The following CEACAM5 variants were observed in gnomAD, a reference collection of about 807,000 sequenced individuals.
CEACAM5 encodes CEA cell adhesion molecule 5, also known as cell adhesion molecule CEACAM5.
Under a neutral mutation model 63.0 loss-of-function variants are expected in CEACAM5, and 52 were observed. The observed-to-expected ratio is 0.83, with a 90% CI of 0.66 to 1.04. The LOEUF (loss-of-function observed/expected upper bound fraction) is 1.04, where lower values mean the gene tolerates loss of function less well. Among genes scored for constraint, CEACAM5 ranks in the 50% least tolerant of loss-of-function variants. CEACAM5 has a pLI of 0.00. For missense variants in CEACAM5, 790 were observed against 864.8 expected, an observed-to-expected ratio of 0.91 and a Z score of 1.08; for synonymous variants, 357 against 351.3, an observed-to-expected ratio of 1.02 and a Z score of -0.18.
chr19:41,728,786 CA>C lies in CEACAM5; in HGVS notation c.*37-379del, dbSNP rs55647539. Among the ~76,000 whole-genome samples the C allele has an allele frequency of 4.7e-3, 341 of 73,288 alleles. 5 individuals carry two copies. The highest frequency in any genetic ancestry group is 0.018 in the Middle Eastern group (2 of 110). 48.1% of individuals were successfully genotyped at this position (73,288 alleles called of 152,430 possible). A position where few individuals can be genotyped will look rare whatever the true frequency, so the allele number is the denominator to read the frequency against. On this transcript the variant is annotated intron_variant, in intron 9 of 9. Coordinates refer to ENST00000221992, the MANE Select transcript of CEACAM5 (RefSeq NM_004363.6). Reference sequence around the variant, plus strand: ...TGGGCGACAGAGCAAGACTCCGTCTCAAAAAAAAAAAAAAAAAAAGAATTGC... The same window carrying C: ...TGGGCGACAGAGCAAGACTCCGTCTCAAAAAAAAAAAAAAAAAAGAATTGC...
intron 2 of CEACAM5, among the ~76,000 whole-genome samples, chr19:41,714,139 C>T (rs371116936): frequency 6.6e-5 from 10 of 152,062 alleles, no homozygotes. Context: ...CGCTTGAACC[C>T]GGGAGGCAGA....
rs782270981 is a variant in CEACAM5, at chr19:41,717,583, C to T, written c.1087C>T (p.Leu363Phe). The T allele has an allele frequency of 3.1e-6, 5 of 1,614,116 alleles. No individual in the cohort carries two copies. In the Admixed American group the frequency reaches 8.3e-5, roughly 27 times the overall value. ...TYLWWVNNQS[L>F]PVSPRLQLSN... ...CCTGTGGTGGGTAAATAATCAGAGC[C>T]TCCCGGTCAGTCCCAGGCTGCAGCT... The change falls in exon 5 of 10, where the codon CTC becomes TTC. Residue 363 changes from leucine to phenylalanine, a missense_variant. Leu to Phe is a conservative substitution (Grantham distance 22). Coordinates refer to ENST00000221992, the MANE Select transcript of CEACAM5 (RefSeq NM_004363.6).
In CEACAM5 at chr19:41,721,312, C is replaced by G. The variant is rs572723484; in HGVS notation, c.2026+136C>G. 5 of 944,030 alleles carry G rather than the reference C, an allele frequency of 5.3e-6. 1 individual carries two copies. In the Admixed American group the frequency reaches 1.1e-4, roughly 22 times the overall value. The allele number at this position is 944,030 out of a possible 1,614,324, so 58.5% of individuals were successfully genotyped here. ...AGGAAATCCCAAATTCTATCCTGAGCCCCCTCACTCCATCTCGGCCAACTC... is the reference window on the plus strand; with the variant it reads ...AGGAAATCCCAAATTCTATCCTGAGGCCCCTCACTCCATCTCGGCCAACTC... On this transcript the variant is annotated intron_variant, in intron 8 of 9. Coordinates refer to ENST00000221992, the MANE Select transcript of CEACAM5 (RefSeq NM_004363.6).
intron 6 of CEACAM5, among the ~76,000 whole-genome samples, chr19:41,719,487 C>A (rs782179542): frequency 2.6e-5 from 4 of 152,176 alleles, no homozygotes; most frequent in Admixed American, 2.6e-4. Flanking sequence ...CTTAAACACC[C>A]ATCCCCGTCA....
At chr19:41,722,885 TC>T (rs1390337029) in intron 8 of CEACAM5, among the ~76,000 whole-genome samples, 2 of 151,482 alleles carry the variant, frequency 1.3e-5, no homozygotes, top group Non-Finnish European at 1.5e-5. Context: ...AAATGTTAAT[TC>T]TTTTTTTTGT....
chr19:41,715,109 G>T lies in CEACAM5; in HGVS notation c.563G>T (p.Ser188Ile). 6.2e-7 allele frequency: 1 copy of T among 1,614,224 alleles called. No homozygotes were observed. The highest frequency in any genetic ancestry group is 1.1e-5 in the South Asian group (1 of 91,088). ...WWVNNQSLPV[S>I]PRLQLSNGNR... ...GTAAACAATCAGAGCCTCCCGGTCAGTCCCAGGCTGCAGCTGTCCAATGGC... is the reference window on the plus strand; with the variant it reads ...GTAAACAATCAGAGCCTCCCGGTCATTCCCAGGCTGCAGCTGTCCAATGGC... Residue 188 changes from serine to isoleucine, a missense_variant, in exon 3 of 10, where the codon AGT becomes ATT. Ser to Ile is a moderately radical substitution (Grantham distance 142). Transcript: ENST00000221992.
In CEACAM5 at chr19:41,719,944, C is replaced by A; in HGVS notation, c.1507C>A (p.Pro503Thr). The change falls in exon 7 of 10, where the codon CCC becomes ACC. Residue 503 changes from proline (P) to threonine (T), a missense_variant. By Grantham distance (38) the Pro-to-Thr change is conservative (BLOSUM62 -1). Transcript: ENST00000221992. ...TATCTGCACAGCGGAGCTGCCCAAG[C>A]CCTCCATCTCCAGCAACAACTCCAA... ...TITVSAELPK[P>T]SISSNNSKPV... is the part of the protein sequence containing the mutation. 1 of 1,614,162 alleles carries A rather than the reference C, an allele frequency of 6.2e-7. No homozygotes were observed. Among genetic ancestry groups the A allele is most frequent in the Non-Finnish European group, 8.5e-7 (1 of 1,180,038 alleles).
At position 41,717,761 on chromosome 19, in the gene CEACAM5, C is replaced by T. The variant is rs781809700; in HGVS notation, c.1237+28C>T. ...GAGTATCTTCTGTTCCTCTGTGGCT[C>T]AGGCTGCCAGCCCAAATCCACATAG... On this transcript the variant is annotated intron_variant, in intron 5 of 9. Transcript: ENST00000221992. 5.6e-6 allele frequency: 9 copies of T among 1,607,820 alleles called. No individual in the cohort carries two copies. The South Asian group carries it at 6.6e-5, about 12-fold the overall frequency.
chr19:41,712,451 C>G (rs1237957365), intron 2 of CEACAM5, among the ~76,000 whole-genome samples: 1 of 152,208 alleles, frequency 6.6e-6, no homozygotes, highest in African/African-American at 2.4e-5. Context: ...CTTTCACATG[C>G]CTGTTTTGAG....
intron 1 of CEACAM5, 150 bp from the exon 2 acceptor site, chr19:41,709,530 C>G (rs2072397656): frequency 2.9e-6 from 3 of 1,018,152 alleles, no homozygotes; most frequent in Non-Finnish European, 4.0e-6. Flanking sequence ...TGACCTTGAC[C>G]TAGTAGGACA....
intron 8 of CEACAM5, among the ~76,000 whole-genome samples, chr19:41,724,222 G>T (rs927377477): frequency 3.3e-5 from 5 of 152,146 alleles, no homozygotes; most frequent in African/African-American, 1.2e-4. Flanking sequence ...TTGTTGAAAA[G>T]ACTGTCCTTT....
At position 41,729,698 on chromosome 19, in the gene CEACAM5, T is replaced by C. The variant is rs553764347; in HGVS notation, c.*551T>C. ...AATTTTTTATTTGAAATTTTGCTGA[T>C]TCTTTAAATGTCTTGTTTCCCAGAT... On this transcript the variant is annotated 3_prime_UTR_variant, in exon 10 of 10. Coordinates refer to ENST00000221992, the MANE Select transcript of CEACAM5 (RefSeq NM_004363.6). 7.9e-5 allele frequency: 12 copies of C among 152,248 alleles called. No individual in the cohort carries two copies. Among genetic ancestry groups the C allele is most frequent in the Non-Finnish European group, 1.3e-4 (9 of 68,048 alleles). The allele number at this position is 152,248 out of a possible 1,614,324, so 9.4% of individuals were successfully genotyped here.
chr19:41,721,041 G>A lies in CEACAM5; in HGVS notation c.1891G>A (p.Gly631Arg). Residue 631 changes from glycine to arginine, a missense_variant, in exon 8 of 10, where the codon GGG becomes AGG. Gly to Arg is a moderately radical substitution (Grantham distance 125, BLOSUM62 -2). Transcript: ENST00000221992. Reference sequence around the variant, plus strand: ...CCCGCAGTATTCTTGGCGTATCAATGGGATACCGCAGCAACACACACAAGT... The same window carrying A: ...CCCGCAGTATTCTTGGCGTATCAATAGGATACCGCAGCAACACACACAAGT... ...PSPQYSWRIN[G>R]IPQQHTQVLF... 1 of 1,614,118 alleles carries A rather than the reference G, an allele frequency of 6.2e-7. No individual in the cohort carries two copies. The highest frequency in any genetic ancestry group is 8.5e-7 in the Non-Finnish European group (1 of 1,180,034).
intron 2 of CEACAM5, among the ~76,000 whole-genome samples, chr19:41,713,602 C>G (rs2098043354): frequency 6.6e-6 from 1 of 152,236 alleles, no homozygotes; most frequent in South Asian, 2.1e-4. Context: ...CAGGCTTTGA[C>G]AACCACCATT....
rs28683503 is a variant in CEACAM5 at position 41,709,863 on chromosome 19, T to C, written c.248T>C (p.Val83Ala). ...VDGNRQIIGY[V>A]IGTQQATPGP... ...GGCAACCGTCAAATTATAGGATATGTAATAGGAACTCAACAAGCTACCCCA... is the reference window on the plus strand; with the variant it reads ...GGCAACCGTCAAATTATAGGATATGCAATAGGAACTCAACAAGCTACCCCA... The change falls in exon 2 of 10, where the codon GTA becomes GCA. Residue 83 changes from valine to alanine, a missense_variant. By Grantham distance (64) the Val-to-Ala change is moderately conservative. Transcript: ENST00000221992. 266,560 of 1,613,572 alleles carry C rather than the reference T, an allele frequency of 0.17. 25,950 individuals carry two copies. The highest frequency in any genetic ancestry group is 0.37 in the African/African-American group (27,615 of 74,772).
chr19:41,717,740 A>T lies in CEACAM5; in HGVS notation c.1237+7A>T, dbSNP rs1555815329. The T allele has an allele frequency of 1.2e-6, 2 of 1,612,930 alleles. No homozygotes were observed. The highest frequency in any genetic ancestry group is 1.7e-6 in the Non-Finnish European group (2 of 1,179,190). On this transcript the variant is annotated splice_region_variant and intron_variant, in intron 5 of 9. Transcript: ENST00000221992. Reference sequence around the variant, plus strand: ...GTCATCCTGAATGTCCTCTGTGAGTATCTTCTGTTCCTCTGTGGCTCAGGC... The same window carrying T: ...GTCATCCTGAATGTCCTCTGTGAGTTTCTTCTGTTCCTCTGTGGCTCAGGC...
chr19:41,711,684 C>A (rs1449130572), intron 2 of CEACAM5, among the ~76,000 whole-genome samples: 1 of 152,180 alleles, frequency 6.6e-6, no homozygotes, highest in African/African-American at 2.4e-5. Flanking sequence ...GGTCACTATA[C>A]CCCGCATGGC....
intron 8 of CEACAM5, among the ~76,000 whole-genome samples, chr19:41,721,565 A>G (rs369397911): frequency 9.8e-5 from 15 of 152,334 alleles, no homozygotes; most frequent in African/African-American, 3.4e-4. Flanking sequence ...AGGAACAAGG[A>G]GGCTTTGAAA....
At chr19:41,709,101 C>T (rs1451502773) in intron 1 of CEACAM5, among the ~76,000 whole-genome samples, 4 of 152,350 alleles carry the variant, frequency 2.6e-5, no homozygotes, top group South Asian at 2.1e-4. Flanking sequence ...TGTCCTCATC[C>T]GCCTACCGCG....
Sources: gnomAD v4.1 joint callset for allele counts (sites outside exome capture counted in the v4.1 genomes callset) on GRCh38, gnomAD v4.1.1 for gene constraint, MANE v1.5 for transcripts, NCBI Gene and HGNC (gene_info 2026-07-23, HGNC 2026-07-21) for gene names.